The following CENPF variants were observed in gnomAD, a reference collection of about 807,000 sequenced individuals.
CENPF encodes the protein AH antigen.
In CENPF, 214 loss-of-function variants were observed where a neutral mutation model predicts 307.3. The ratio of observed to expected loss-of-function variants is 0.70; its 90% CI spans 0.62 to 0.78. CENPF has a LOEUF of 0.78. CENPF is among the 30% of genes least tolerant of loss of function. CENPF has a pLI of 0.00. For synonymous variants in CENPF, 1,259 were observed against 1,270.6 expected, an observed-to-expected ratio of 0.99 and a Z score of 0.19; for missense variants, 3,401 against 3,483.9, an observed-to-expected ratio of 0.98 and a Z score of 0.60.
chr1:214,641,138 A>C lies in CENPF; in HGVS notation c.2800A>C (p.Asn934His), dbSNP rs759847989. 6 of 1,583,164 alleles carry C rather than the reference A, an allele frequency of 3.8e-6. No individual in the cohort carries two copies. The highest frequency in any genetic ancestry group is 5.1e-6 in the Non-Finnish European group (6 of 1,172,514). Residue 934 changes from asparagine to histidine, a missense_variant, in exon 12 of 20, where the codon AAC becomes CAC. Asn to His is a moderately conservative substitution (Grantham distance 68). Transcript: ENST00000366955. ...QAEIQELKKSNHLLEDSLKEL... is the reference protein window; with the variant it reads ...QAEIQELKKSHHLLEDSLKEL... Reference sequence around the variant, plus strand: ...AGAGATTCAAGAATTAAAAAAGAGCAACCATCTACTTGAAGACTCTCTAAA... The same window carrying C: ...AGAGATTCAAGAATTAAAAAAGAGCCACCATCTACTTGAAGACTCTCTAAA...
intron 3 of CENPF, 167 bp downstream of exon 3, chr1:214,615,195 A>G: frequency 2.1e-6 from 1 of 476,634 alleles, no homozygotes; most frequent in Non-Finnish European, 3.8e-6. Context: ...GGAAGATTAA[A>G]AACAAACAAA....
intron 1 of CENPF, chr1:214,608,287 C>T: frequency 6.4e-7 from 1 of 1,560,324 alleles, no homozygotes; most frequent in East Asian, 2.3e-5. Context: ...TGTGCCCAGG[C>T]TGAGCTGCCC....
intron 10 of CENPF, among the ~76,000 whole-genome samples, chr1:214,635,660 C>T (rs1003637935): frequency 2.6e-5 from 4 of 152,144 alleles, no homozygotes; most frequent in African/African-American, 9.6e-5. Context: ...TTGGGTTGGT[C>T]ATAGCCATAG....
In CENPF at chr1:214,642,799, T is replaced by G. The variant is rs3795516; in HGVS notation, c.4461T>G (p.Leu1487=). 101,532 of 1,613,836 alleles carry G rather than the reference T, an allele frequency of 0.063. 4,155 individuals are homozygous for G. The highest frequency in any genetic ancestry group is 0.15 in the South Asian group (13,199 of 91,026). The change falls in exon 12 of 20, where the codon CTT becomes CTG. Residue 1487 remains leucine (L), a synonymous_variant. Coordinates refer to ENST00000366955, the MANE Select transcript of CENPF (RefSeq NM_016343.4). ...SSSCVPDSSS[L]SSLGDSSFYR... ...CTTGTGTGCCTGACAGCTCTAGTCT[T>G]AGCAGTTTGGGAGACTCCTCCTTTT...
In CENPF at chr1:214,629,119, C is replaced by T. The variant is rs1372509030; in HGVS notation, c.1142C>T (p.Ala381Val). The T allele has an allele frequency of 2.5e-6, 4 of 1,610,108 alleles. No individual in the cohort carries two copies. Among genetic ancestry groups the T allele is most frequent in the African/African-American group, 1.3e-5 (1 of 74,766 alleles). Reference protein sequence around the residue: ...LSCQRQNAESARCSLEQKIKE... With the variant: ...LSCQRQNAESVRCSLEQKIKE... ...TGTCAGCGACAAAATGCAGAAAGTGCCAGATGTTCTCTGGAACAGAAAATT... is the reference window on the plus strand; with the variant it reads ...TGTCAGCGACAAAATGCAGAAAGTGTCAGATGTTCTCTGGAACAGAAAATT... Residue 381 changes from alanine to valine, a missense_variant, in exon 8 of 20, where the codon GCC becomes GTC. Ala to Val is a moderately conservative substitution (Grantham distance 64). Transcript: ENST00000366955.
Position 214,629,101 on chromosome 1 carries a change from G to A in CENPF, c.1124G>A (p.Arg375Gln), listed in dbSNP as rs1351842955. The change falls in exon 8 of 20, where the codon CGA (arginine) becomes CAA (glutamine). Residue 375 changes from arginine (R) to glutamine (Q), a missense_variant. Coordinates refer to ENST00000366955, the MANE Select transcript of CENPF (RefSeq NM_016343.4). Reference sequence around the variant, plus strand: ...TTGACGGAAGATTTGAGTTGTCAGCGACAAAATGCAGAAAGTGCCAGATGT... The same window carrying A: ...TTGACGGAAGATTTGAGTTGTCAGCAACAAAATGCAGAAAGTGCCAGATGT... ...KKLTEDLSCQ[R>Q]QNAESARCSL... 7 of 1,611,440 alleles carry A rather than the reference G, an allele frequency of 4.3e-6. No homozygotes were observed. In the South Asian group the frequency reaches 4.4e-5, roughly 10 times the overall value.
At chr1:214,658,784 A>G (rs2102421573) in intron 18 of CENPF, 66 bp from the exon 19 acceptor site, 2 of 1,500,130 alleles carry the variant, frequency 1.3e-6, no homozygotes, top group South Asian at 1.2e-5. Context: ...CCACCTAATG[A>G]ATATCTTTTC....
chr1:214,629,092 G>A lies in CENPF; in HGVS notation c.1115G>A (p.Ser372Asn). The A allele has an allele frequency of 6.2e-7, 1 of 1,611,496 alleles. No homozygotes were observed. The highest frequency in any genetic ancestry group is 2.2e-5 in the East Asian group (1 of 44,654). ...CTGAAAAAATTGACGGAAGATTTGA[G>A]TTGTCAGCGACAAAATGCAGAAAGT... ...QKLKKLTEDL[S>N]CQRQNAESAR... Residue 372 changes from serine to asparagine, a missense_variant, in exon 8 of 20, where the codon AGT becomes AAT. Ser to Asn is a conservative substitution (Grantham distance 46, BLOSUM62 1). Coordinates refer to ENST00000366955, the MANE Select transcript of CENPF (RefSeq NM_016343.4).
At chr1:214,634,426 T>G (rs1657901367) in intron 10 of CENPF, among the ~76,000 whole-genome samples, 1 of 152,122 alleles carries the variant, frequency 6.6e-6, no homozygotes, top group Admixed American at 6.5e-5. Flanking sequence ...GTGAGTGAGA[T>G]CTGAGATTGT....
At chr1:214,607,749 C>T (rs1426972379) in intron 1 of CENPF, among the ~76,000 whole-genome samples, 1 of 152,170 alleles carries the variant, frequency 6.6e-6, no homozygotes, top group Non-Finnish European at 1.5e-5. Flanking sequence ...CCCAGGCAAG[C>T]GCAGGGCTGG....
intron 9 of CENPF, 141 bp downstream of exon 9, chr1:214,630,803 A>G: frequency 9.1e-7 from 1 of 1,095,092 alleles, no homozygotes; most frequent in East Asian, 2.5e-5. Context: ...TGGAGAATGT[A>G]CAGAACCATT....
intron 5 of CENPF, among the ~76,000 whole-genome samples, chr1:214,619,749 G>A (rs1483399896): frequency 6.6e-6 from 1 of 152,120 alleles, no homozygotes; most frequent in African/African-American, 2.4e-5. Context: ...TTATAAGTAG[G>A]TACCTTAAAT....
chr1:214,618,754 G>A, intron 4 of CENPF, 60 bp downstream of exon 4: 1 of 1,492,074 alleles, frequency 6.7e-7, no homozygotes, highest in South Asian at 1.2e-5. Context: ...TTTTAATTCT[G>A]CAAAATAAAT....
intron 1 of CENPF, chr1:214,605,846 T>G (rs563544266): frequency 8.1e-5 from 129 of 1,596,378 alleles, no homozygotes; most frequent in Non-Finnish European, 1.0e-4. Flanking sequence ...CACCTCGTCC[T>G]CCGTGCCGTG....
In CENPF at chr1:214,615,041, G is replaced by A. The variant is rs749961527; in HGVS notation, c.359+13G>A. On this transcript the variant is annotated intron_variant, in intron 3 of 19. Coordinates refer to ENST00000366955, the MANE Select transcript of CENPF (RefSeq NM_016343.4). ...AGGAACTTAAAAGGTAATATTTTGG[G>A]ATGGTATTTATAGGGATGATATTTG... 7.6e-6 allele frequency: 12 copies of A among 1,572,496 alleles called. No homozygotes were observed. The South Asian group carries it at 1.4e-4, about 18-fold the overall frequency.
intron 10 of CENPF, among the ~76,000 whole-genome samples, chr1:214,634,129 C>G (rs147663172): frequency 6.6e-6 from 1 of 152,192 alleles, no homozygotes; most frequent in South Asian, 2.1e-4. Context: ...TCAGTTAATC[C>G]CAGCCTGTAC....
In CENPF at chr1:214,655,752, G is replaced by A. The variant is rs541919980; in HGVS notation, c.8485+349G>A. Among the ~76,000 whole-genome samples, 411 of 152,116 alleles carry A rather than the reference G, an allele frequency of 2.7e-3. 2 individuals carry two copies. The highest frequency in any genetic ancestry group is 9.6e-3 in the African/African-American group (399 of 41,490). On this transcript the variant is annotated intron_variant, in intron 17 of 19. Coordinates refer to ENST00000366955, the MANE Select transcript of CENPF (RefSeq NM_016343.4). ...ACAATAGACAGGTGCCACCACACCC[G>A]ACTAATTTTTGTATTTTTTGTAGAG...
intron 5 of CENPF, 43 bp from the exon 6 acceptor site, chr1:214,620,612 T>C (rs549953162): frequency 1.4e-4 from 213 of 1,541,266 alleles, no homozygotes; most frequent in Admixed American, 6.9e-4. Flanking sequence ...GCCTTGAGTA[T>C]ATAAGATCTT....
Position 214,646,590 on chromosome 1 carries a change from C to T in CENPF, c.7020C>T (p.Asn2340=). The change falls in exon 13 of 20, where the codon AAC becomes AAT. Residue 2340 remains asparagine, a synonymous_variant. Coordinates refer to ENST00000366955, the MANE Select transcript of CENPF (RefSeq NM_016343.4). ...HADLLKGRVE[N]LERELEIART... ...ATTTACTTAAGGGTAGAGTGGAGAA[C>T]CTTGAAAGAGAGCTAGAGATAGCCA... The T allele has an allele frequency of 6.2e-7, 1 of 1,614,022 alleles. No homozygotes were observed. Among genetic ancestry groups the T allele is most frequent in the Admixed American group, 1.7e-5 (1 of 60,014 alleles).
Sources: gnomAD v4.1 joint callset for allele counts (sites outside exome capture counted in the v4.1 genomes callset) on GRCh38, gnomAD v4.1.1 for gene constraint, MANE v1.5 for transcripts, NCBI Gene and HGNC (gene_info 2026-07-23, HGNC 2026-07-21) for gene names.